The following HPS3 variants were observed in gnomAD, a reference collection of about 807,000 sequenced individuals.
HPS3 encodes HPS3 biogenesis of lysosomal organelles complex 2 subunit 1.
In HPS3, 79 loss-of-function variants were observed where a neutral mutation model predicts 110.9. The ratio of observed to expected loss-of-function variants is 0.71; its 90% confidence interval spans 0.59 to 0.86. The LOEUF (loss-of-function observed/expected upper bound fraction) is 0.86, where lower values mean the gene tolerates loss of function less well. Among genes scored for constraint, HPS3 ranks in the 40% least tolerant of loss-of-function variants. The pLI is 0.00. For synonymous variants in HPS3, 428 were observed against 451.0 expected, an observed-to-expected ratio of 0.95 and a Z score of 0.65; for missense variants, 1,197 against 1,206.2, an observed-to-expected ratio of 0.99 and a Z score of 0.11.
At chr3:149,157,108 T>C (rs1723502453) in intron 8 of HPS3, among the ~76,000 whole-genome samples, 1 of 152,226 alleles carries the variant, frequency 6.6e-6, no homozygotes, top group South Asian at 2.1e-4. Flanking sequence ...TCTGTAATGA[T>C]TAGAGCTGTT....
At chr3:149,171,925 T>C (rs1001988129) in intron 16 of HPS3, among the ~76,000 whole-genome samples, 170 bp from the exon 17 acceptor site, 6 of 152,092 alleles carry the variant, frequency 3.9e-5, no homozygotes, top group African/African-American at 9.7e-5. Flanking sequence ...CAGACTGGTC[T>C]TGAACTCCTG....
chr3:149,152,218 T>C (rs543224927), intron 6 of HPS3, among the ~76,000 whole-genome samples: 48 of 152,282 alleles, frequency 3.2e-4, no homozygotes, highest in Admixed American at 2.7e-3. Flanking sequence ...ATTAAAAAAA[T>C]AAAACTTCCA....
chr3:149,150,348 C>A (rs1284023948), intron 5 of HPS3, among the ~76,000 whole-genome samples: 1 of 152,126 alleles, frequency 6.6e-6, no homozygotes, highest in South Asian at 2.1e-4. Flanking sequence ...GAAATGTACA[C>A]GTCCAGATTC....
chr3:149,158,531 G>C, intron 9 of HPS3, 135 bp from the exon 10 acceptor site: 1 of 846,208 alleles, frequency 1.2e-6, no homozygotes, highest in Non-Finnish European at 2.0e-6. Context: ...CTTACACCTG[G>C]AATCCCAGCA....
chr3:149,154,666 C>T (rs1159885505), intron 7 of HPS3, among the ~76,000 whole-genome samples: 2 of 152,170 alleles, frequency 1.3e-5, no homozygotes, highest in Non-Finnish European at 2.9e-5. Context: ...TTTAAGCAGA[C>T]TTAACAGTTT....
At chr3:149,143,583 A>T (rs544036680) in intron 4 of HPS3, among the ~76,000 whole-genome samples, 1 of 152,322 alleles carries the variant, frequency 6.6e-6, no homozygotes, top group South Asian at 2.1e-4. Context: ...ATGAATGCTG[A>T]CTGAATAGAC....
At chr3:149,138,003 A>G (rs1258968927) in intron 1 of HPS3, among the ~76,000 whole-genome samples, 1 of 149,516 alleles carries the variant, frequency 6.7e-6, no homozygotes, top group African/African-American at 2.6e-5. Flanking sequence ...AAAAAAATTT[A>G]TTTATTTACT....
chr3:149,133,232 A>G (rs1458385824), intron 1 of HPS3, among the ~76,000 whole-genome samples: 1 of 152,246 alleles, frequency 6.6e-6, no homozygotes, highest in Non-Finnish European at 1.5e-5. Flanking sequence ...CTCCAGAGAA[A>G]TCTTTTGTGA....
Position 149,129,736 on chromosome 3 carries a change from T to C in HPS3, c.13T>C (p.Tyr5His). ...GCCGGACGTCGGGATGGTGCAGCTG[T>C]ACAACCTGCACCCGTTCGGGTCGCA... MVQL[Y>H]NLHPFGSQQV... The change falls in exon 1 of 17, where the codon TAC becomes CAC. Residue 5 changes from tyrosine to histidine, a missense_variant. By Grantham distance (83) the Tyr-to-His change is moderately conservative. Transcript: ENST00000296051. 6.2e-7 allele frequency: 1 copy of C among 1,602,580 alleles called. No individual in the cohort carries two copies. Among genetic ancestry groups the C allele is most frequent in the Non-Finnish European group, 8.5e-7 (1 of 1,177,386 alleles).
intron 6 of HPS3, among the ~76,000 whole-genome samples, chr3:149,151,592 A>T (rs1370216631): frequency 3.6e-5 from 5 of 138,180 alleles, no homozygotes; most frequent in African/African-American, 1.1e-4. Flanking sequence ...GTTTCTAAAA[A>T]AAAAAAAAAA....
chr3:149,150,201 C>A (rs2689229), intron 5 of HPS3, among the ~76,000 whole-genome samples: 72,416 of 151,922 alleles, frequency 0.48, 17,576 homozygotes, highest in African/African-American at 0.55. Context: ...ATGGATTTTA[C>A]TCTTGGTTTT....
chr3:149,136,358 A>C lies in HPS3; in HGVS notation c.218-3646A>C, dbSNP rs1229427427. On this transcript the variant is annotated intron_variant, in intron 1 of 16. Transcript: ENST00000296051. The stretch of plus-strand genomic sequence containing the variant: ...GACAACTTGGGCAACGGAGCAAGAC[A>C]CTTAAATTTAAAAAAGGTAAAATGA... 2.2e-4 allele frequency among the ~76,000 whole-genome samples: 33 copies of C among 152,078 alleles called. 1 individual carries two copies. Among genetic ancestry groups the C allele is most frequent in the Admixed American group, 2.2e-3 (33 of 15,260 alleles).
intron 5 of HPS3, among the ~76,000 whole-genome samples, chr3:149,149,706 G>A (rs1026736344): frequency 1.3e-5 from 2 of 152,078 alleles, no homozygotes; most frequent in African/African-American, 4.8e-5. Flanking sequence ...TTTAAAAAGG[G>A]AGGGAGAAGG....
rs986828483 is a variant in HPS3 at position 149,153,571 on chromosome 3, T to A, written c.1323T>A (p.Phe441Leu). 6.2e-7 allele frequency: 1 copy of A among 1,614,152 alleles called. No individual in the cohort carries two copies. Among genetic ancestry groups the A allele is most frequent in the Non-Finnish European group, 8.5e-7 (1 of 1,179,960 alleles). ...LFIGLKAICHFKNHIILLTKA... is the reference protein window; with the variant it reads ...LFIGLKAICHLKNHIILLTKA... ...TAGGCTTGAAAGCCATCTGTCACTT[T>A]AAAAACCACATCATACTTTTGACTA... Residue 441 changes from phenylalanine to leucine, a missense_variant, in exon 7 of 17, where the codon TTT becomes TTA. Transcript: ENST00000296051.
chr3:149,152,743 T>A (rs551065287), intron 6 of HPS3, among the ~76,000 whole-genome samples: 3 of 152,300 alleles, frequency 2.0e-5, no homozygotes, highest in African/African-American at 7.2e-5. Flanking sequence ...GAGGTAACAA[T>A]GAAGATGACC....
rs532399547 is a variant in HPS3, at chr3:149,137,858, T to C, written c.218-2146T>C. 1.7e-4 allele frequency among the ~76,000 whole-genome samples: 26 copies of C among 152,256 alleles called. No individual in the cohort carries two copies. The South Asian group carries it at 5.2e-3, about 30-fold the overall frequency. On this transcript the variant is annotated intron_variant, in intron 1 of 16. Coordinates refer to ENST00000296051, the MANE Select transcript of HPS3 (RefSeq NM_032383.5). ...ATTTAATCAGTGCAGAGTTTTTTAGTAGATGAAAAAGTTAGTTATAGAGAT... is the reference window on the plus strand; with the variant it reads ...ATTTAATCAGTGCAGAGTTTTTTAGCAGATGAAAAAGTTAGTTATAGAGAT...
intron 16 of HPS3, chr3:149,170,364 G>C (rs986296121): frequency 6.6e-6 from 1 of 152,156 alleles, no homozygotes; most frequent in Admixed American, 6.5e-5. Context: ...TGCTTTGATA[G>C]GAAAACATCA....
intron 11 of HPS3, 133 bp from the exon 12 acceptor site, chr3:149,162,015 A>T: frequency 1.3e-6 from 1 of 761,022 alleles, no homozygotes; most frequent in Non-Finnish European, 2.2e-6. Flanking sequence ...CTTTATAGTC[A>T]AAGAAAAAAT....
intron 8 of HPS3, among the ~76,000 whole-genome samples, chr3:149,156,723 G>A (rs1031735694): frequency 6.6e-6 from 1 of 152,018 alleles, no homozygotes; most frequent in African/African-American, 2.4e-5. Flanking sequence ...ATCAGGTCAA[G>A]GTGTTGCCTG....
Sources: gnomAD v4.1 joint callset for allele counts (sites outside exome capture counted in the v4.1 genomes callset) on GRCh38, gnomAD v4.1.1 for gene constraint, MANE v1.5 for transcripts, NCBI Gene and HGNC (gene_info 2026-07-23, HGNC 2026-07-21) for gene names.